The following RBFOX3 variants were observed in gnomAD, a reference collection of about 807,000 sequenced individuals.
RBFOX3 encodes RNA binding protein fox-1 homolog 3.
A neutral mutation model predicts 48.7 loss-of-function variants in RBFOX3; 17 were observed. The observed-to-expected ratio is 0.35, with a 90% CI of 0.24 to 0.52. The LOEUF is 0.52. Ranked by LOEUF, RBFOX3 falls within the 20% of genes least tolerant of loss-of-function variation. The probability of loss-of-function intolerance (pLI) is 0.94; values close to 1 mark genes in which losing one functional copy is unlikely to be tolerated. For missense variants in RBFOX3, 382 were observed against 497.5 expected (o/e 0.77, Z 2.21); for synonymous variants, 212 against 209.5 (o/e 1.01, Z -0.10).
chr17:79,563,696 T>C (rs1342228147), intron 1 of RBFOX3, among the ~76,000 whole-genome samples: 1 of 152,244 alleles, frequency 6.6e-6, no homozygotes, highest in Non-Finnish European at 1.5e-5. Flanking sequence ...TCTTGGCACA[T>C]TCTTTTCCTT....
intron 2 of RBFOX3, among the ~76,000 whole-genome samples, chr17:79,373,793 C>A (rs961589867): frequency 5.9e-5 from 9 of 152,152 alleles, no homozygotes; most frequent in African/African-American, 2.2e-4. Context: ...TCCTCCAGGG[C>A]AGGCTGAGCG....
intron 2 of RBFOX3, among the ~76,000 whole-genome samples, chr17:79,478,821 A>G (rs2078354284): frequency 6.6e-6 from 1 of 152,232 alleles, no homozygotes; most frequent in Non-Finnish European, 1.5e-5. Flanking sequence ...CATGTTTTTA[A>G]TAAGGACTTA....
chr17:79,616,750 G>A, the RBFOX3 span, among the ~76,000 whole-genome samples: 1 of 152,104 alleles, frequency 6.6e-6, no homozygotes, highest in African/African-American at 2.4e-5. Flanking sequence ...AGCCCCACAC[G>A]ACCTGAGGGA....
chr17:79,115,475 G>C lies in RBFOX3; in HGVS notation c.222+19C>G. ...CCCTGAAGCTCCAGGGCTGGGCCTG[G>C]GGTCGTGGGGGCCCTTACCGGCACT... On this transcript the variant is annotated intron_variant, in intron 5 of 14. Transcript: ENST00000693108. 1 of 1,305,814 alleles carries C rather than the reference G, an allele frequency of 7.7e-7. No homozygotes were observed. Among genetic ancestry groups the C allele is most frequent in the Non-Finnish European group, 9.8e-7 (1 of 1,025,146 alleles). The allele number at this position is 1,305,814 out of a possible 1,614,324, so 80.9% of individuals were successfully genotyped here. A position where few individuals can be genotyped will look rare whatever the true frequency, so the allele number is the denominator to read the frequency against.
chr17:79,294,687 G>C (rs1360904723), intron 3 of RBFOX3, among the ~76,000 whole-genome samples: 1 of 152,168 alleles, frequency 6.6e-6, no homozygotes, highest in African/African-American at 2.4e-5. Context: ...CTGCGGGTGG[G>C]AGACGCTGCC....
At chr17:79,221,328 T>G (rs2059706506) in intron 4 of RBFOX3, among the ~76,000 whole-genome samples, 1 of 152,264 alleles carries the variant, frequency 6.6e-6, no homozygotes, top group South Asian at 2.1e-4. Context: ...TCTATGGTTC[T>G]CAGAGTTTCT....
At chr17:79,526,565 G>A (rs921039126) in intron 1 of RBFOX3, among the ~76,000 whole-genome samples, 101 of 152,296 alleles carry the variant, frequency 6.6e-4, no homozygotes, top group Non-Finnish European at 1.2e-3. Context: ...TATCCTGATC[G>A]GTAGCAAGGG....
chr17:79,303,850 C>T (rs1568007577), intron 3 of RBFOX3, among the ~76,000 whole-genome samples: 1 of 59,106 alleles, frequency 1.7e-5, no homozygotes, highest in Non-Finnish European at 3.4e-5. Flanking sequence ...TGCATGTCTG[C>T]CTGTGTGTGT....
At chr17:79,553,304 A>G (rs989843555) in intron 1 of RBFOX3, among the ~76,000 whole-genome samples, 251 of 152,326 alleles carry the variant, frequency 1.6e-3, no homozygotes, top group African/African-American at 5.3e-3. Flanking sequence ...CCATTCTTGC[A>G]TTGCTAGAAT....
intron 1 of RBFOX3, among the ~76,000 whole-genome samples, chr17:79,521,864 A>C (rs2086158223): frequency 6.6e-6 from 1 of 152,248 alleles, no homozygotes; most frequent in Non-Finnish European, 1.5e-5. Context: ...ATCTCGGCTC[A>C]TTCAAAGTCC....
chr17:79,256,050 C>T (rs1008990996), intron 3 of RBFOX3, among the ~76,000 whole-genome samples: 3 of 151,840 alleles, frequency 2.0e-5, no homozygotes, highest in Non-Finnish European at 4.4e-5. Flanking sequence ...TTCCATACCA[C>T]CAACTTCCCT....
intron 4 of RBFOX3, among the ~76,000 whole-genome samples, chr17:79,227,701 A>T (rs4789957): frequency 0.26 from 40,259 of 152,082 alleles, 5,963 homozygotes; most frequent in East Asian, 0.5. Context: ...GCCCAGGAAG[A>T]CCCTGACCAG....
chr17:79,187,057 C>T (rs1015041794), intron 4 of RBFOX3, among the ~76,000 whole-genome samples: 9 of 152,224 alleles, frequency 5.9e-5, no homozygotes, highest in African/African-American at 2.2e-4. Context: ...ACAGGATTCT[C>T]CCTGGGAGAG....
chr17:79,514,351 C>T (rs2084946859), intron 1 of RBFOX3, among the ~76,000 whole-genome samples: 2 of 152,332 alleles, frequency 1.3e-5, no homozygotes, highest in South Asian at 2.1e-4. Context: ...CGCAGACATG[C>T]ACTCCCTGGG....
rs368361889 is a variant in RBFOX3 at position 79,220,114 on chromosome 17, C to G, written c.-34+15652G>C. 3.9e-5 allele frequency among the ~76,000 whole-genome samples: 6 copies of G among 152,288 alleles called. No individual in the cohort carries two copies. The East Asian group carries it at 5.8e-4, about 15-fold the overall frequency. On this transcript the variant is annotated intron_variant, in intron 4 of 14. Transcript: ENST00000693108. This position sits in a 1 kb window ranked among gnomAD's most constrained non-coding sequence, Gnocchi z 5.9. Reference sequence around the variant, plus strand: ...GGGGTGGGGGGAGCACGCTGAGCTTCCCAACATTTCAGCCCCAGATCTGCC... The same window carrying G: ...GGGGTGGGGGGAGCACGCTGAGCTTGCCAACATTTCAGCCCCAGATCTGCC...
the RBFOX3 span, among the ~76,000 whole-genome samples, chr17:79,620,619 G>A: frequency 7.1e-5 from 7 of 98,026 alleles, no homozygotes; most frequent in African/African-American, 8.7e-5. Context: ...ATGCACACAC[G>A]CACATGCACA....
At chr17:79,289,155 G>A (rs1380880609) in intron 3 of RBFOX3, among the ~76,000 whole-genome samples, 2 of 152,184 alleles carry the variant, frequency 1.3e-5, no homozygotes, top group Non-Finnish European at 2.9e-5. Context: ...CAGAGCCAGG[G>A]ACACCAGGCC....
chr17:79,571,508 C>T (rs1352117557), intron 1 of RBFOX3, among the ~76,000 whole-genome samples: 3 of 150,206 alleles, frequency 2.0e-5, no homozygotes, highest in Non-Finnish European at 3.0e-5. Context: ...CTTGGGTGTC[C>T]CCACTCCCAC....
intron 1 of RBFOX3, among the ~76,000 whole-genome samples, chr17:79,587,985 G>A (rs2093306516): frequency 6.6e-6 from 1 of 152,168 alleles, no homozygotes; most frequent in Non-Finnish European, 1.5e-5. Context: ...ACAGAGGCAT[G>A]CCACCATGCC....
Sources: gnomAD v4.1 joint callset for allele counts (sites outside exome capture counted in the v4.1 genomes callset) on GRCh38, gnomAD v4.1.1 for gene constraint, Gnocchi (gnomAD v3.1) non-coding constraint, MANE v1.5 for transcripts, NCBI Gene and HGNC (gene_info 2026-07-23, HGNC 2026-07-21) for gene names.